The following POLN variants were observed in gnomAD, a reference collection of about 807,000 sequenced individuals.
POLN encodes DNA polymerase N.
In POLN, 108 loss-of-function variants were observed where a neutral mutation model predicts 113.5. That is an observed-to-expected ratio of 0.95 (90% confidence interval 0.81 to 1.12). POLN has a LOEUF of 1.12. Ranked by LOEUF, POLN falls within the 50% of genes most tolerant of loss-of-function variation. The probability of loss-of-function intolerance (pLI) is 0.00; values close to 1 mark genes in which losing one functional copy is unlikely to be tolerated. For synonymous variants in POLN, 386 were observed against 391.5 expected, an observed-to-expected ratio of 0.99 and a Z score of 0.17; for missense variants, 1,097 against 1,077.1, an observed-to-expected ratio of 1.02 and a Z score of -0.26.
chr4:2,135,349 G>C (rs999578779), intron 16 of POLN, among the ~76,000 whole-genome samples: 1 of 152,212 alleles, frequency 6.6e-6, no homozygotes, highest in Non-Finnish European at 1.5e-5. Context: ...CTCTCTGGAG[G>C]AGATATCAGC....
intron 16 of POLN, chr4:2,156,561 C>G (rs1376734510): frequency 4.1e-5 from 26 of 630,808 alleles, no homozygotes; most frequent in Non-Finnish European, 1.4e-5. Flanking sequence ...GCATGGGTTT[C>G]TGGGTGTGAA....
intron 2 of POLN, among the ~76,000 whole-genome samples, chr4:2,238,193 C>T (rs781756817): frequency 6.6e-6 from 1 of 152,118 alleles, no homozygotes; most frequent in African/African-American, 2.4e-5. Flanking sequence ...ATTCTCCTGA[C>T]TACACACAAA....
rs778943607 is a variant in POLN, at chr4:2,081,051, G to A, written c.2309-15C>T. On this transcript the variant is annotated splice_polypyrimidine_tract_variant and intron_variant, in intron 22 of 25. Coordinates refer to ENST00000511885, the MANE Select transcript of POLN (RefSeq NM_181808.4). Reference sequence around the variant, plus strand: ...AGCAGCGGAGCCTATGGGGCGCGTGGTACTGTCTTGAGGTCCCATGGCACA... The same window carrying A: ...AGCAGCGGAGCCTATGGGGCGCGTGATACTGTCTTGAGGTCCCATGGCACA... 28 of 1,613,404 alleles carry A rather than the reference G, an allele frequency of 1.7e-5. No homozygotes were observed. The South Asian group carries it at 2.9e-4, about 16-fold the overall frequency.
chr4:2,175,577 G>A (rs901059662), intron 9 of POLN, among the ~76,000 whole-genome samples: 7 of 152,088 alleles, frequency 4.6e-5, no homozygotes, highest in African/African-American at 7.2e-5. Flanking sequence ...CTATTTATCC[G>A]GGCCTTCCTG....
chr4:2,198,400 T>C (rs1437730302), intron 6 of POLN, 124 bp downstream of exon 6: 4 of 750,284 alleles, frequency 5.3e-6, no homozygotes, highest in Non-Finnish European at 7.9e-6. Flanking sequence ...ATCCATTTTA[T>C]TTTCATGTGC....
chr4:2,201,296 A>AG (rs1560091753), intron 5 of POLN, among the ~76,000 whole-genome samples: 5 of 148,850 alleles, frequency 3.4e-5, no homozygotes, highest in Non-Finnish European at 7.4e-5. Flanking sequence ...AAAAAAAAAA[A>AG]AAAAAAACGA....
At chr4:2,216,076 C>G (rs965752659) in intron 3 of POLN, among the ~76,000 whole-genome samples, 2 of 152,322 alleles carry the variant, frequency 1.3e-5, no homozygotes, top group South Asian at 4.1e-4. Context: ...GGGTGCTTCC[C>G]TGCCCCCAGT....
intron 13 of POLN, among the ~76,000 whole-genome samples, chr4:2,161,967 C>T (rs1432103334): frequency 6.6e-6 from 1 of 152,102 alleles, no homozygotes; most frequent in Admixed American, 6.5e-5. Flanking sequence ...TATGGAGAAC[C>T]TTTGTGTCTA....
chr4:2,198,879 C>A (rs1733645401), intron 5 of POLN, among the ~76,000 whole-genome samples, 162 bp from the exon 6 acceptor site: 1 of 152,010 alleles, frequency 6.6e-6, no homozygotes, highest in Non-Finnish European at 1.5e-5. Flanking sequence ...AAACCCATGA[C>A]CTTATGCTCG....
intron 4 of POLN, among the ~76,000 whole-genome samples, chr4:2,209,169 T>G (rs972629221): frequency 6.6e-6 from 1 of 152,022 alleles, no homozygotes; most frequent in Non-Finnish European, 1.5e-5. Context: ...TTTAACAATA[T>G]GTTAATCTAT....
chr4:2,077,564 T>C (rs1220304105), intron 23 of POLN, among the ~76,000 whole-genome samples: 1 of 152,260 alleles, frequency 6.6e-6, no homozygotes, highest in Non-Finnish European at 1.5e-5. Context: ...CCAGCAAGCT[T>C]GTCTTCAACT....
rs1730368626 is a variant in POLN at position 2,080,107 on chromosome 4, T to A, written c.2387+851A>T. On this transcript the variant is annotated intron_variant, in intron 23 of 25. Coordinates refer to ENST00000511885, the MANE Select transcript of POLN (RefSeq NM_181808.4). ...CGAGGGGCCCTTCGGGGACTGACAC[T>A]GTGGGGGGCTGGGGCAGGTTAGCTC... 4.1e-6 allele frequency: 4 copies of A among 985,178 alleles called. No homozygotes were observed. In the South Asian group the frequency reaches 1.9e-4, roughly 46 times the overall value. The allele number at this position is 985,178 out of a possible 1,614,324, so 61.0% of individuals were successfully genotyped here. A position where few individuals can be genotyped will look rare whatever the true frequency, so the allele number is the denominator to read the frequency against.
At chr4:2,194,181 T>G (rs1022970231) in intron 6 of POLN, among the ~76,000 whole-genome samples, 1 of 152,304 alleles carries the variant, frequency 6.6e-6, no homozygotes, top group South Asian at 2.1e-4. Context: ...GTTAAATGAC[T>G]AACAAATGGC....
At chr4:2,198,461 G>A in intron 6 of POLN, 63 bp downstream of exon 6, 11 of 1,394,464 alleles carry the variant, frequency 7.9e-6, no homozygotes, top group Non-Finnish European at 1.0e-5. Context: ...CCTTGAGCAA[G>A]TTTCCATTAG....
chr4:2,080,855 G>A (rs940032374), intron 23 of POLN, 103 bp downstream of exon 23: 170 of 1,594,332 alleles, frequency 1.1e-4, no homozygotes, highest in Middle Eastern at 1.8e-4. Context: ...ACGGGGGCCC[G>A]ATAAGCAGAG....
chr4:2,188,715 C>T (rs1026512981), intron 7 of POLN, among the ~76,000 whole-genome samples: 1 of 151,888 alleles, frequency 6.6e-6, no homozygotes, highest in Non-Finnish European at 1.5e-5. Context: ...CAGACAAACT[C>T]AGCATACTCT....
chr4:2,096,758 CAG>C (rs1307402312), intron 19 of POLN, among the ~76,000 whole-genome samples: 2 of 149,410 alleles, frequency 1.3e-5, no homozygotes, highest in African/African-American at 5.0e-5. Context: ...GAAAAAGTAA[CAG>C]AAACTTCTCC....
intron 9 of POLN, 51 bp from the exon 10 acceptor site, chr4:2,174,802 C>A (rs1322749740): frequency 3.0e-6 from 4 of 1,312,798 alleles, no homozygotes; most frequent in South Asian, 1.3e-5. Flanking sequence ...ATTATTGTAT[C>A]TGCATTTTGT....
At chr4:2,121,164 G>GTA (rs1487069671) in intron 19 of POLN, among the ~76,000 whole-genome samples, 1 of 152,104 alleles carries the variant, frequency 6.6e-6, no homozygotes, top group Non-Finnish European at 1.5e-5. Flanking sequence ...GCTGGGTGTG[G>GTA]TAGCTCATGC....
Sources: allele counts gnomAD v4.1 joint callset (sites outside exome capture counted in the v4.1 genomes callset), GRCh38; gene constraint gnomAD v4.1.1; transcripts MANE v1.5; gene names NCBI Gene and HGNC (gene_info 2026-07-23, HGNC 2026-07-21).